Variants in FUT2 observed in about 807,000 individuals in gnomAD.
FUT2 encodes fucosyltransferase 2 (H blood group).
For synonymous variants in FUT2, 182 were observed against 193.1 expected (o/e 0.94, Z 0.48); for missense variants, 419 against 465.8 (o/e 0.90, Z 0.93).
intron 1 of FUT2, among the ~76,000 whole-genome samples, chr19:48,697,378 G>A (rs920583727): frequency 7.1e-6 from 1 of 140,686 alleles, no homozygotes; most frequent in East Asian, 2.3e-4. Flanking sequence ...ATCTCAGTAA[G>A]ATAGACCAGG....
Position 48,703,673 on chromosome 19 carries a change from CGTG to C in FUT2, c.720_722del (p.Val241del), listed in dbSNP as rs761766024. The C allele has an allele frequency of 2.0e-5, 33 of 1,613,540 alleles. 1 individual carries two copies. Among genetic ancestry groups the C allele is most frequent in the East Asian group, 1.6e-4 (7 of 44,902 alleles). On this transcript the variant is annotated inframe_deletion, in exon 2 of 2. Coordinates refer to ENST00000425340, the MANE Select transcript of FUT2 (RefSeq NM_000511.6). ...GAGCTCGCTACAGCTCCCTCATCTT[CGTG>C]GTCACCAGTAATGGCATGGCCTGGT... is the stretch of plus-strand genomic sequence containing the variant.
intron 1 of FUT2, 147 bp from the exon 2 acceptor site, chr19:48,702,808 A>T: frequency 1.3e-6 from 1 of 795,260 alleles, no homozygotes; most frequent in Admixed American, 1.7e-5. Context: ...CTGTGCACAT[A>T]GGCAAGTATG....
At position 48,697,345 on chromosome 19, in the gene FUT2, C is replaced by CAAA. The variant is rs71179033; in HGVS notation, c.-3+1277_-3+1279dup. Among the ~76,000 whole-genome samples the CAAA allele has an allele frequency of 1.4e-3, 141 of 98,052 alleles. 2 individuals are homozygous for CAAA. The highest frequency in any genetic ancestry group is 9.2e-3 in the East Asian group (17 of 1,838). The allele number at this position is 98,052 out of a possible 152,430, so 64.3% of individuals were successfully genotyped here. ...GGGGAACAAGAGCAAAACTCCGTCT[C>CAAA]AAAAAAAAAAAAAAAAAAAAAAATC... On this transcript the variant is annotated intron_variant, in intron 1 of 1. Transcript: ENST00000425340.
Position 48,703,088 on chromosome 19 carries a change from G to A in FUT2, c.132G>A (p.Gln44=), listed in dbSNP as rs577430628. ...KIQAMWELPV[Q]IPVLASTSKA... is the part of the protein sequence containing the mutation. ...AAGCCATGTGGGAGTTACCGGTGCA[G>A]ATACCAGTGCTAGCCTCAACATCAA... The change falls in exon 2 of 2, where the codon CAG becomes CAA. Residue 44 remains glutamine (Q), a synonymous_variant. Transcript: ENST00000425340. 3 of 1,613,370 alleles carry A rather than the reference G, an allele frequency of 1.9e-6. No homozygotes were observed. The African/African-American group carries it at 4.0e-5, about 22-fold the overall frequency.
chr19:48,698,486 A>G (rs2032454126), intron 1 of FUT2, among the ~76,000 whole-genome samples: 1 of 151,838 alleles, frequency 6.6e-6, no homozygotes, highest in Admixed American at 6.6e-5. Flanking sequence ...GCTGGAGTGC[A>G]GCTGTAGTGT....
chr19:48,700,933 A>G (rs1424230230), intron 1 of FUT2, among the ~76,000 whole-genome samples: 1 of 152,014 alleles, frequency 6.6e-6, no homozygotes. Flanking sequence ...AAGGACAAGC[A>G]GCTTGCAGAA....
intron 1 of FUT2, among the ~76,000 whole-genome samples, chr19:48,697,345 CAAAAA>C (rs71179033): frequency 1.3e-3 from 130 of 98,328 alleles, no homozygotes; most frequent in Non-Finnish European, 1.4e-3. Flanking sequence ...AACTCCGTCT[CAAAAA>C]AAAAAAAAAA....
At position 48,704,972 on chromosome 19, in the gene FUT2, G is replaced by A. The variant is rs1236413258; in HGVS notation, c.*984G>A. Reference sequence around the variant, plus strand: ...CAACAGAGATGCCCTGAGGGGTTGTGTAGGTTGTTCACTGCAGGAAGTCCC... The same window carrying A: ...CAACAGAGATGCCCTGAGGGGTTGTATAGGTTGTTCACTGCAGGAAGTCCC... On this transcript the variant is annotated 3_prime_UTR_variant, in exon 2 of 2. Transcript: ENST00000425340. The A allele has an allele frequency of 7.3e-6, 3 of 411,668 alleles. 1 individual carries two copies. Among genetic ancestry groups the A allele is most frequent in the African/African-American group, 2.1e-5 (1 of 48,574 alleles). 25.5% of individuals were successfully genotyped at this position (411,668 alleles called of 1,614,324 possible). A position where few individuals can be genotyped will look rare whatever the true frequency, so the allele number is the denominator to read the frequency against.
intron 1 of FUT2, among the ~76,000 whole-genome samples, chr19:48,701,010 A>T (rs2032506908): frequency 6.6e-6 from 1 of 151,962 alleles, no homozygotes; most frequent in Non-Finnish European, 1.5e-5. Flanking sequence ...GGATGCCCTG[A>T]GGGGTTGTGT....
rs1188670861 is a variant in FUT2 at position 48,705,114 on chromosome 19, T to C, written c.*1126T>C. 2.5e-5 allele frequency: 5 copies of C among 203,850 alleles called. No homozygotes were observed. The highest frequency in any genetic ancestry group is 3.8e-5 in the Non-Finnish European group (4 of 104,262). The allele number at this position is 203,850 out of a possible 1,614,324, so 12.6% of individuals were successfully genotyped here. On this transcript the variant is annotated 3_prime_UTR_variant, in exon 2 of 2. Transcript: ENST00000425340. ...TGTTTTCTTTTCTTTTTCTTTTCTT[T>C]TTTTTTTTTTTTTTGAGATGGAGTC...
chr19:48,703,899 C>T lies in FUT2; in HGVS notation c.943C>T (p.Pro315Ser), dbSNP rs1045864490. ...GGCCAATTACACCCTCCCCGACTCC[C>T]CTTTCCTCAAAATCTTTAAGCCAGA... ...YLANYTLPDS[P>S]FLKIFKPEAA... The change falls in exon 2 of 2, where the codon CCT becomes TCT. Residue 315 changes from proline to serine, a missense_variant. Pro to Ser is a moderately conservative substitution (Grantham distance 74). Transcript: ENST00000425340. 2 of 1,613,550 alleles carry T rather than the reference C, an allele frequency of 1.2e-6. No individual in the cohort carries two copies. Among genetic ancestry groups the T allele is most frequent in the East Asian group, 2.2e-5 (1 of 44,892 alleles).
At chr19:48,700,691 A>T (rs778816911) in intron 1 of FUT2, among the ~76,000 whole-genome samples, 9 of 152,036 alleles carry the variant, frequency 5.9e-5, no homozygotes, top group Non-Finnish European at 1.0e-4. Context: ...ACATCCAGCC[A>T]TCACATGCAG....
chr19:48,705,060 T>G lies in FUT2; in HGVS notation c.*1072T>G. The G allele has an allele frequency of 1.5e-5, 6 of 396,034 alleles. No individual in the cohort carries two copies. Among genetic ancestry groups the G allele is most frequent in the Non-Finnish European group, 2.3e-5 (5 of 215,158 alleles). The allele number at this position is 396,034 out of a possible 1,614,324, so 24.5% of individuals were successfully genotyped here. ...AGTCTACTCATCAAACCAGGTGTCC[T>G]TGGCATTGTGTCCACCCAGAGAGCT... On this transcript the variant is annotated 3_prime_UTR_variant, in exon 2 of 2. Transcript: ENST00000425340.
chr19:48,702,531 A>C (rs2032534093), intron 1 of FUT2, among the ~76,000 whole-genome samples: 1 of 152,078 alleles, frequency 6.6e-6, no homozygotes, highest in Non-Finnish European at 1.5e-5. Context: ...ACAATCACCT[A>C]GATGACATAT....
Position 48,705,010 on chromosome 19 carries a change from G to A in FUT2, c.*1022G>A, listed in dbSNP as rs563591286. The A allele has an allele frequency of 4.9e-6, 2 of 409,908 alleles. No individual in the cohort carries two copies. The highest frequency in any genetic ancestry group is 4.4e-5 in the Admixed American group (1 of 22,616). 25.4% of individuals were successfully genotyped at this position (409,908 alleles called of 1,614,324 possible). ...TGCAGGAAGTCCCCTGGTTAAGAAGGCAAGTGGGGTTTAAACAGACCCACA... is the reference window on the plus strand; with the variant it reads ...TGCAGGAAGTCCCCTGGTTAAGAAGACAAGTGGGGTTTAAACAGACCCACA... On this transcript the variant is annotated 3_prime_UTR_variant, in exon 2 of 2. Coordinates refer to ENST00000425340, the MANE Select transcript of FUT2 (RefSeq NM_000511.6).
chr19:48,703,227 C>T lies in FUT2; in HGVS notation c.271C>T (p.Arg91Trp), dbSNP rs201288465. The change falls in exon 2 of 2, where the codon CGG becomes TGG. Residue 91 changes from arginine to tryptophan, a missense_variant. Arg to Trp is a moderately radical substitution (Grantham distance 101, BLOSUM62 -3). Coordinates refer to ENST00000425340, the MANE Select transcript of FUT2 (RefSeq NM_000511.6). ...TLYALAKMNG[R>W]PAFIPAQMHS... ...GTACGCCCTGGCCAAGATGAACGGG[C>T]GGCCCGCCTTCATCCCGGCCCAGAT... 6.9e-5 allele frequency: 111 copies of T among 1,613,034 alleles called. 1 individual carries two copies. Among genetic ancestry groups the T allele is most frequent in the East Asian group, 4.2e-4 (19 of 44,854 alleles).
At chr19:48,696,185 G>C (rs115276086) in intron 1 of FUT2, 96 bp downstream of exon 1, 183 of 152,392 alleles carry the variant, frequency 1.2e-3, no homozygotes, top group African/African-American at 4.1e-3. Flanking sequence ...GTGTGCCCTC[G>C]TGGGTCCCTG....
In FUT2 at chr19:48,704,421, C is replaced by CAAAAAA. The variant is rs140411756; in HGVS notation, c.*448_*453dup. The CAAAAAA allele has an allele frequency of 3.0e-4, 33 of 109,038 alleles. 2 individuals carry two copies. Among genetic ancestry groups the CAAAAAA allele is most frequent in the East Asian group, 7.9e-4 (2 of 2,528 alleles). 6.8% of individuals were successfully genotyped at this position (109,038 alleles called of 1,614,324 possible). A position where few individuals can be genotyped will look rare whatever the true frequency, so the allele number is the denominator to read the frequency against. ...TGGGTGACACAGCAAGACTCCATCT[C>CAAAAAA]AAAAAAAAAAAAAAAAAAAAGAAAA... On this transcript the variant is annotated 3_prime_UTR_variant, in exon 2 of 2. Coordinates refer to ENST00000425340, the MANE Select transcript of FUT2 (RefSeq NM_000511.6).
Position 48,703,431 on chromosome 19 carries a change from C to A in FUT2, c.475C>A (p.His159Asn), listed in dbSNP as rs149058386. 336 of 1,612,794 alleles carry A rather than the reference C, an allele frequency of 2.1e-4. No homozygotes were observed. Among genetic ancestry groups the A allele is most frequent in the Non-Finnish European group, 2.8e-4 (333 of 1,179,956 alleles). Reference protein sequence around the residue: ...GYPCSWTFYHHLRQEILQEFT... With the variant: ...GYPCSWTFYHNLRQEILQEFT... ...CCCCTGCTCCTGGACCTTCTACCAC[C>A]ACCTCCGCCAGGAGATCCTCCAGGA... The change falls in exon 2 of 2, where the codon CAC becomes AAC. Residue 159 changes from histidine (H) to asparagine (N), a missense_variant. Physicochemically the swap from His to Asn is moderately conservative, Grantham distance 68. Coordinates refer to ENST00000425340, the MANE Select transcript of FUT2 (RefSeq NM_000511.6).
Sources: allele counts gnomAD v4.1 joint callset (sites outside exome capture counted in the v4.1 genomes callset), GRCh38; gene constraint gnomAD v4.1.1; transcripts MANE v1.5; gene names NCBI Gene and HGNC (gene_info 2026-07-23, HGNC 2026-07-21).